The following POLR1A variants were observed in gnomAD, a reference collection of about 807,000 sequenced individuals.
The protein encoded by POLR1A is DNA-directed RNA polymerase I subunit RPA1.
Under a neutral mutation model 205.3 loss-of-function variants are expected in POLR1A, and 84 were observed. The ratio of observed to expected loss-of-function variants is 0.41; its 90% confidence interval spans 0.34 to 0.49. POLR1A has a LOEUF of 0.49. Ranked by LOEUF, POLR1A falls within the 20% of genes least tolerant of loss-of-function variation. The pLI is 0.22. For missense variants in POLR1A, 1,645 were observed against 2,204.5 expected, an observed-to-expected ratio of 0.75 and a Z score of 5.08; for synonymous variants, 799 against 863.7, an observed-to-expected ratio of 0.93 and a Z score of 1.31.
chr2:86,034,158 G>A (rs1031315123), intron 27 of POLR1A, among the ~76,000 whole-genome samples: 1 of 152,206 alleles, frequency 6.6e-6, no homozygotes, highest in Admixed American at 6.5e-5. Flanking sequence ...CTCTCACAGC[G>A]CCTGGCAGAG....
At chr2:86,049,363 G>A (rs1672761148) in intron 16 of POLR1A, 121 bp from the exon 17 acceptor site, 3 of 695,602 alleles carry the variant, frequency 4.3e-6, no homozygotes, top group Admixed American at 2.3e-5. Flanking sequence ...ACCTGAGTAA[G>A]GAAGATGATA....
intron 33 of POLR1A, 60 bp from the exon 34 acceptor site, chr2:86,027,583 G>A (rs1672292298): frequency 7.2e-7 from 1 of 1,398,478 alleles, no homozygotes; most frequent in South Asian, 1.2e-5. Context: ...AATGTCATGA[G>A]GTGATTATGG....
intron 24 of POLR1A, among the ~76,000 whole-genome samples, chr2:86,041,648 C>G (rs1165617183): frequency 1.3e-5 from 2 of 152,200 alleles, no homozygotes; most frequent in East Asian, 1.9e-4. Context: ...AGCCTCCCAG[C>G]AGACCACTAT....
Position 86,030,353 on chromosome 2 carries a change from C to G in POLR1A, c.4622G>C (p.Ser1541Thr). The G allele has an allele frequency of 6.2e-7, 1 of 1,614,148 alleles. No individual in the cohort carries two copies. The highest frequency in any genetic ancestry group is 2.2e-5 in the East Asian group (1 of 44,874). The change falls in exon 31 of 34, where the codon AGC becomes ACC. Residue 1541 changes from serine to threonine, a missense_variant. By Grantham distance (58) the Ser-to-Thr change is moderately conservative. Transcript: ENST00000263857. ...LPLMKINFDM[S>T]SLVVSLAHGA... ...ATGGGCCAAAGATACTACCAGGGAG[C>G]TCATGTCAAAGTTGATCTTCATCAG...
At chr2:86,078,326 C>T (rs1481671487) in intron 9 of POLR1A, 42 bp from the exon 10 acceptor site, 2 of 1,487,450 alleles carry the variant, frequency 1.3e-6, no homozygotes, top group Non-Finnish European at 1.8e-6. Flanking sequence ...TGGAAAAAAG[C>T]TCCAAAAGGC....
chr2:86,051,619 TC>T (rs1475965507), intron 16 of POLR1A, among the ~76,000 whole-genome samples: 1 of 152,098 alleles, frequency 6.6e-6, no homozygotes, highest in Admixed American at 6.5e-5. Context: ...GCATCTCGCG[TC>T]CCCCTAACGC....
intron 3 of POLR1A, among the ~76,000 whole-genome samples, chr2:86,097,231 A>AAAAAAAAAAAAAAAAAAAAAAG: frequency 6.8e-6 from 1 of 147,022 alleles, no homozygotes; most frequent in African/African-American, 2.5e-5. Flanking sequence ...AAAAAAAAAA[A>AAAAAAAAAAAAAAAAAAAAAAG]AAAAAAAAAA....
chr2:86,088,260 T>C (rs969783118), intron 6 of POLR1A, among the ~76,000 whole-genome samples: 1 of 152,208 alleles, frequency 6.6e-6, no homozygotes, highest in African/African-American at 2.4e-5. Flanking sequence ...TTTCAAAATA[T>C]TTGTCAGGTA....
chr2:86,092,254 G>C (rs1673619600), intron 3 of POLR1A, among the ~76,000 whole-genome samples: 1 of 152,218 alleles, frequency 6.6e-6, no homozygotes, highest in African/African-American at 2.4e-5. Context: ...GAGCTTCCCT[G>C]GGTCCTAGCT....
chr2:86,061,474 ATTAAAG>A (rs1299658705), intron 14 of POLR1A, among the ~76,000 whole-genome samples: 2 of 152,218 alleles, frequency 1.3e-5, no homozygotes, highest in Non-Finnish European at 2.9e-5. Context: ...GAAACTATCT[ATTAAAG>A]TTAAACACAT....
At position 86,087,290 on chromosome 2, in the gene POLR1A, G is replaced by A. The variant is rs1171333236; in HGVS notation, c.730+1276C>T. On this transcript the variant is annotated intron_variant, in intron 6 of 33. Transcript: ENST00000263857. Reference sequence around the variant, plus strand: ...CATTTAGTCCAGGCCATGCCAGAGTGTTCAATGTAAAACATACATCATGCA... The same window carrying A: ...CATTTAGTCCAGGCCATGCCAGAGTATTCAATGTAAAACATACATCATGCA... 2.0e-5 allele frequency among the ~76,000 whole-genome samples: 3 copies of A among 152,224 alleles called. No individual in the cohort carries two copies. The East Asian group carries it at 5.8e-4, about 29-fold the overall frequency.
chr2:86,033,222 A>G (rs1221856446), intron 28 of POLR1A, among the ~76,000 whole-genome samples: 2 of 152,150 alleles, frequency 1.3e-5, no homozygotes, highest in African/African-American at 2.4e-5. Flanking sequence ...CTGCAGCCCA[A>G]CTTCTCTGCT....
intron 4 of POLR1A, 114 bp from the exon 5 acceptor site, chr2:86,088,984 C>G (rs967894304): frequency 2.9e-6 from 2 of 690,120 alleles, no homozygotes; most frequent in Non-Finnish European, 4.8e-6. Context: ...ACCCCCACCA[C>G]CACTTTCTTA....
intron 9 of POLR1A, 83 bp downstream of exon 9, chr2:86,080,733 C>T: frequency 2.9e-6 from 4 of 1,361,864 alleles, no homozygotes; most frequent in Non-Finnish European, 4.0e-6. Flanking sequence ...AAGCATCTCC[C>T]AGACCCAGTG....
chr2:86,037,431 G>A (rs375906607), intron 27 of POLR1A, among the ~76,000 whole-genome samples: 12 of 152,274 alleles, frequency 7.9e-5, no homozygotes, highest in South Asian at 2.1e-4. Context: ...GGGCTGGCTC[G>A]AGGCCAGGCC....
Position 86,033,676 on chromosome 2 carries a change from C to A in POLR1A, c.4146G>T (p.Glu1382Asp). The change falls in exon 28 of 34, where the codon GAG (glutamate) becomes GAT (aspartate). Residue 1382 changes from glutamate to aspartate, a missense_variant. Around this residue, in one of 16 missense-constraint regions of POLR1A, gnomAD observed 394 missense variants for 468.5 expected, o/e 0.84. Coordinates refer to ENST00000263857, the MANE Select transcript of POLR1A (RefSeq NM_015425.6). ...ATQRDLDNAG[E>D]LGRSRGEQEG... ...ACTCACTCACCCGACTCCTCCCCAA[C>A]TCCCCAGCGTTGTCCAGATCCCGCT... is the stretch of plus-strand genomic sequence containing the variant. 2 of 1,613,484 alleles carry A rather than the reference C, an allele frequency of 1.2e-6. No homozygotes were observed. The highest frequency in any genetic ancestry group is 2.2e-5 in the South Asian group (2 of 91,032).
chr2:86,049,113 C>T (rs368962241), intron 17 of POLR1A, 47 bp downstream of exon 17: 2 of 1,610,580 alleles, frequency 1.2e-6, no homozygotes, highest in Non-Finnish European at 1.7e-6. Context: ...ACTCAGCACA[C>T]ACTTCACCCC....
intron 11 of POLR1A, among the ~76,000 whole-genome samples, chr2:86,076,276 AAC>A (rs1263014031): frequency 2.0e-5 from 3 of 152,226 alleles, no homozygotes; most frequent in African/African-American, 4.8e-5. Context: ...CCCGCGCAGC[AAC>A]ACTTTCTCAG....
intron 30 of POLR1A, 48 bp downstream of exon 30, chr2:86,031,282 G>T (rs1393483305): frequency 6.6e-7 from 1 of 1,508,948 alleles, no homozygotes; most frequent in Non-Finnish European, 8.9e-7. Flanking sequence ...GAGGGATTTG[G>T]CCAGCTGGAC....
Sources: allele counts gnomAD v4.1 joint callset (sites outside exome capture counted in the v4.1 genomes callset), GRCh38; gene constraint gnomAD v4.1.1; regional missense constraint gnomAD v4.1.1; transcripts MANE v1.5; gene names NCBI Gene and HGNC (gene_info 2026-07-23, HGNC 2026-07-21).